RIPK3: variants seen among roughly 807,000 people sequenced by gnomAD.
RIPK3 encodes the protein receptor interacting serine/threonine kinase 3.
In RIPK3, 51 loss-of-function variants were observed where a neutral mutation model predicts 51.6. The ratio of observed to expected loss-of-function variants is 0.99; its 90% confidence interval spans 0.79 to 1.25. The LOEUF (loss-of-function observed/expected upper bound fraction) is 1.25. Among genes scored for constraint, RIPK3 ranks in the 50% most tolerant of loss-of-function variants. RIPK3 has a pLI of 0.00. For missense variants in RIPK3, 654 were observed against 650.4 expected (o/e 1.01, Z -0.06); for synonymous variants, 246 against 257.7 (o/e 0.95, Z 0.44).
chr14:24,337,420 C>T lies in RIPK3; in HGVS notation c.941G>A (p.Arg314Lys), dbSNP rs2042147659. 2 of 1,613,876 alleles carry T rather than the reference C, an allele frequency of 1.2e-6. No homozygotes were observed. Among genetic ancestry groups the T allele is most frequent in the Non-Finnish European group, 1.7e-6 (2 of 1,179,914 alleles). The change falls in exon 8 of 10, where the codon AGA becomes AAA. Residue 314 changes from arginine (R) to lysine (K), a missense_variant. Coordinates refer to ENST00000216274, the MANE Select transcript of RIPK3 (RefSeq NM_006871.4). ...TTGGCCTGACTCTGGGATAGAAAAT[C>T]TCCTATTGCTGCTCCTGAGCTGAGA... ...FLSQLRSSNR[R>K]FSIPESGQGG...
chr14:24,339,808 A>G lies in RIPK3; in HGVS notation c.19T>C (p.Trp7Arg), dbSNP rs1411177050. MSCVKL[W>R]PSGAPAPLVS... is the part of the protein sequence containing the mutation. ...ATCGACATGCCACTCCCTACTCACCATAACTTGACGCACGACATCAGGCTG... is the reference window on the plus strand; with the variant it reads ...ATCGACATGCCACTCCCTACTCACCGTAACTTGACGCACGACATCAGGCTG... The change falls in exon 1 of 10, where the codon TGG becomes CGG. Residue 7 changes from tryptophan to arginine, a missense_variant and splice_region_variant. Trp to Arg is a moderately radical substitution (Grantham distance 101, BLOSUM62 -3). Coordinates refer to ENST00000216274, the MANE Select transcript of RIPK3 (RefSeq NM_006871.4). The surrounding 1 kb of genome is among the most constrained non-coding windows in gnomAD (Gnocchi z 4.0). 9.5e-6 allele frequency: 15 copies of G among 1,577,838 alleles called. No individual in the cohort carries two copies. The highest frequency in any genetic ancestry group is 9.0e-5 in the East Asian group (4 of 44,670).
At position 24,339,278 on chromosome 14, in the gene RIPK3, CG is replaced by C. The variant is rs1236861019; in HGVS notation, c.207del (p.Asn69LysfsTer7). ...ACCCCTTCTAGGCGCAGCACGAATT[CG>C]TTATCCAGACTTGCCATGGCCTTGA... Reference protein sequence around the residue: ...REVKAMASLDNEFVLRLEGVI... With the variant: ...REVKAMASLDXEFVLRLEGVI... On this transcript the variant is annotated frameshift_variant, in exon 3 of 10. Coordinates refer to ENST00000216274, the MANE Select transcript of RIPK3 (RefSeq NM_006871.4). LOFTEE classifies it high-confidence loss of function. The surrounding 1 kb of genome is among the most constrained non-coding windows in gnomAD (Gnocchi z 4.0). 1.9e-6 allele frequency: 3 copies of C among 1,613,718 alleles called. No homozygotes were observed. The highest frequency in any genetic ancestry group is 2.5e-6 in the Non-Finnish European group (3 of 1,179,758).
chr14:24,338,881 G>A, intron 3 of RIPK3, 134 bp downstream of exon 3: 1 of 774,370 alleles, frequency 1.3e-6, no homozygotes. Context: ...TTTGTCCCCT[G>A]GCAGCCCTGT....
At chr14:24,338,944 T>G in intron 3 of RIPK3, 71 bp downstream of exon 3, 1 of 1,228,016 alleles carries the variant, frequency 8.1e-7, no homozygotes. Context: ...GGAGGTCTAG[T>G]GTCCGGCGGG....
Position 24,339,812 on chromosome 14 carries a change from CTT to C in RIPK3, c.13_14del (p.Lys5ValfsTer36), listed in dbSNP as rs2042172641. 1 of 1,575,822 alleles carries C rather than the reference CTT, an allele frequency of 6.3e-7. No individual in the cohort carries two copies. Among genetic ancestry groups the C allele is most frequent in the Admixed American group, 1.9e-5 (1 of 52,452 alleles). ...ACATGCCACTCCCTACTCACCATAACTTGACGCACGACATCAGGCTGGAAGGT... is the reference window on the plus strand; with the variant it reads ...ACATGCCACTCCCTACTCACCATAACGACGCACGACATCAGGCTGGAAGGT... MSCV[K>X]LWPSGAPAPL... is the part of the protein sequence containing the mutation. On this transcript the variant is annotated frameshift_variant, in exon 1 of 10. Coordinates refer to ENST00000216274, the MANE Select transcript of RIPK3 (RefSeq NM_006871.4). LOFTEE classifies it high-confidence loss of function. This position sits in a 1 kb window ranked among gnomAD's most constrained non-coding sequence, Gnocchi z 4.0.
At position 24,336,197 on chromosome 14, in the gene RIPK3, C is replaced by CA. The variant is rs759209004; in HGVS notation, c.1534dup (p.Trp512LeufsTer3). On this transcript the variant is annotated frameshift_variant, in exon 10 of 10. Transcript: ENST00000216274. LOFTEE classifies it low-confidence loss of function (END_TRUNC). Reference sequence around the variant, plus strand: ...GCTTTATTTCCCGCTATGATTATACCAACCCTGTGGCCTGCTCCAGGCTTC... The same window carrying CA: ...GCTTTATTTCCCGCTATGATTATACCAAACCCTGTGGCCTGCTCCAGGCTTC... 34 of 1,613,646 alleles carry CA rather than the reference C, an allele frequency of 2.1e-5. No homozygotes were observed. In the East Asian group the frequency reaches 6.2e-4, roughly 30 times the overall value.
rs199742695 is a variant in RIPK3, at chr14:24,338,032, C to T, written c.673G>A (p.Glu225Lys). ...LAGREVELPT[E>K]PSLVYEAVCN... ...ACTGCTTCGTACACGAGTGATGGTT[C>T]GGTTGGCACTGGAGTAGGGGAGGAG... Residue 225 changes from glutamate (E) to lysine (K), a missense_variant, in exon 6 of 10, where the codon GAA (glutamate) becomes AAA (lysine). By Grantham distance (56) the Glu-to-Lys change is moderately conservative (BLOSUM62 1). Coordinates refer to ENST00000216274, the MANE Select transcript of RIPK3 (RefSeq NM_006871.4). 98 of 1,614,060 alleles carry T rather than the reference C, an allele frequency of 6.1e-5. No homozygotes were observed. Among genetic ancestry groups the T allele is most frequent in the Non-Finnish European group, 7.5e-5 (88 of 1,180,030 alleles).
rs1300167280 is a variant in RIPK3, at chr14:24,338,428, A to C, written c.611T>G (p.Val204Gly). 2 of 1,612,294 alleles carry C rather than the reference A, an allele frequency of 1.2e-6. No individual in the cohort carries two copies. Among genetic ancestry groups the C allele is most frequent in the East Asian group, 2.2e-5 (1 of 44,808 alleles). Residue 204 changes from valine (V) to glycine (G), a missense_variant, in exon 4 of 10, where the codon GTC becomes GGC. Transcript: ENST00000216274. The stretch of plus-strand genomic sequence containing the variant: ...TTTGGGCCGGGATCCTTACCTGTAG[A>C]CGTCACTGGCTGTGGAGGCCTTCCG... ...VNRKASTASD[V>G]YSFGILMWAV...
chr14:24,337,203 G>T lies in RIPK3; in HGVS notation c.1158C>A (p.Gly386=), dbSNP rs2042145816. 1 of 1,613,690 alleles carries T rather than the reference G, an allele frequency of 6.2e-7. No homozygotes were observed. Among genetic ancestry groups the T allele is most frequent in the Non-Finnish European group, 8.5e-7 (1 of 1,180,032 alleles). The change falls in exon 8 of 10, where the codon GGC becomes GGA. Residue 386 remains glycine, a synonymous_variant. Coordinates refer to ENST00000216274, the MANE Select transcript of RIPK3 (RefSeq NM_006871.4). ...EEQVPQAWTA[G]TSSDSMAQPP... ...GTTGGGCCATCGAATCTGAAGATGT[G>T]CCTGCTGTCCAGGCTTGTGGAACCT...
intron 9 of RIPK3, 73 bp from the exon 10 acceptor site, chr14:24,336,468 T>A (rs1342867160): frequency 1.3e-6 from 2 of 1,562,730 alleles, no homozygotes; most frequent in East Asian, 4.5e-5. Context: ...GGGTGGGGAG[T>A]ATGAAGTCTC....
intron 9 of RIPK3, 91 bp downstream of exon 9, chr14:24,336,794 C>T (rs778896157): frequency 1.7e-5 from 20 of 1,203,980 alleles, no homozygotes; most frequent in Admixed American, 1.3e-4. Context: ...CCCCTCCCCT[C>T]CACAAAGTAC....
chr14:24,339,346 G>T lies in RIPK3; in HGVS notation c.162-22C>A. ...CTTCCTACACTCCAGGAGAGAGCTG[G>T]AGTCGCACCGGGGTCGTGGGAAAAT... On this transcript the variant is annotated intron_variant, in intron 2 of 9. Coordinates refer to ENST00000216274, the MANE Select transcript of RIPK3 (RefSeq NM_006871.4). This position sits in a 1 kb window ranked among gnomAD's most constrained non-coding sequence, Gnocchi z 4.0. The T allele has an allele frequency of 6.2e-7, 1 of 1,608,348 alleles. No individual in the cohort carries two copies. The highest frequency in any genetic ancestry group is 8.5e-7 in the Non-Finnish European group (1 of 1,175,758).
In RIPK3 at chr14:24,336,144, G is replaced by A. The variant is rs751559074; in HGVS notation, c.*31C>T. 33 of 1,598,924 alleles carry A rather than the reference G, an allele frequency of 2.1e-5. No homozygotes were observed. The highest frequency in any genetic ancestry group is 2.7e-5 in the African/African-American group (2 of 74,482). ...AAGGGGTGGCACTCTTCCTTAACTC[G>A]TAACTCTTGGAGGCAAGCTTGGAAG... On this transcript the variant is annotated 3_prime_UTR_variant, in exon 10 of 10. Transcript: ENST00000216274.
At position 24,339,269 on chromosome 14, in the gene RIPK3, G is replaced by A. The variant is rs754841087; in HGVS notation, c.217C>T (p.Leu73=). The change falls in exon 3 of 10, where the codon CTG becomes TTG. Residue 73 remains leucine (L), a synonymous_variant. Coordinates refer to ENST00000216274, the MANE Select transcript of RIPK3 (RefSeq NM_006871.4). This position sits in a 1 kb window ranked among gnomAD's most constrained non-coding sequence, Gnocchi z 4.0. The stretch of plus-strand genomic sequence containing the variant: ...TTCTCGATAACCCCTTCTAGGCGCA[G>A]CACGAATTCGTTATCCAGACTTGCC... The part of the protein sequence containing the change: ...AMASLDNEFV[L]RLEGVIEKVN... 5.6e-6 allele frequency: 9 copies of A among 1,614,014 alleles called. No homozygotes were observed. The highest frequency in any genetic ancestry group is 6.8e-6 in the Non-Finnish European group (8 of 1,179,886).
chr14:24,337,783 A>T, intron 6 of RIPK3, 21 bp from the exon 7 acceptor site: 2 of 1,614,018 alleles, frequency 1.2e-6, no homozygotes, highest in Non-Finnish European at 1.7e-6. Flanking sequence ...AGCAGAGTGG[A>T]GTGCAGGTGA....
Position 24,336,885 on chromosome 14 carries a change from C to T in RIPK3, c.1336G>A (p.Gly446Arg), listed in dbSNP as rs1298964440. Residue 446 changes from glycine (G) to arginine (R), a missense_variant and splice_region_variant, in exon 9 of 10, where the codon GGG (glycine) becomes AGG (arginine). Coordinates refer to ENST00000216274, the MANE Select transcript of RIPK3 (RefSeq NM_006871.4). ...AAAGAAAGAGGTAGAGAATGGGTAC[C>T]TGTTACTGGATTTGGCTCCGGGGTC... ...CRTPEPNPVTGRPLVNIYNCS... is the reference protein window; with the variant it reads ...CRTPEPNPVTRRPLVNIYNCS... The T allele has an allele frequency of 1.2e-6, 2 of 1,613,296 alleles. No homozygotes were observed. The highest frequency in any genetic ancestry group is 2.7e-5 in the African/African-American group (2 of 74,900).
rs891314154 is a variant in RIPK3, at chr14:24,336,369, AGTTGTATAT to A, written c.1354_1362del (p.Ile452_Asn454del). The A allele has an allele frequency of 1.2e-6, 2 of 1,613,628 alleles. No homozygotes were observed. Among genetic ancestry groups the A allele is most frequent in the Non-Finnish European group, 1.7e-6 (2 of 1,180,012 alleles). ...TTGTCTCCAACTTGCACCCCAGAGCAGTTGTATATGTTAACGAGCGGTCGCCCTTTAAGA... is the reference window on the plus strand; with the variant it reads ...TTGTCTCCAACTTGCACCCCAGAGCAGTTAACGAGCGGTCGCCCTTTAAGA... On this transcript the variant is annotated inframe_deletion, in exon 10 of 10. Transcript: ENST00000216274.
Position 24,339,732 on chromosome 14 carries a change from T to A in RIPK3, c.20+75A>T, listed in dbSNP as rs368950569. The stretch of plus-strand genomic sequence containing the variant: ...CCCACCGTCCCCGGACTCAAAGACG[T>A]TCTCTGAGCGAGTCTGTGGGGCTCT... On this transcript the variant is annotated intron_variant, in intron 1 of 9. Transcript: ENST00000216274. This position sits in a 1 kb window ranked among gnomAD's most constrained non-coding sequence, Gnocchi z 4.0. 1.3e-4 allele frequency: 201 copies of A among 1,569,126 alleles called. 1 individual carries two copies. The highest frequency in any genetic ancestry group is 4.2e-4 in the Admixed American group (23 of 55,172).
chr14:24,336,428 T>G (rs566894504), intron 9 of RIPK3, 33 bp from the exon 10 acceptor site: 1 of 1,599,516 alleles, frequency 6.3e-7, no homozygotes, highest in Non-Finnish European at 8.5e-7. Context: ...GGCAGGAGGG[T>G]TTAGCTGTCA....
Sources: gnomAD v4.1 joint callset for allele counts on GRCh38, gnomAD v4.1.1 for gene constraint, Gnocchi (gnomAD v3.1) non-coding constraint, MANE v1.5 for transcripts, NCBI Gene and HGNC (gene_info 2026-07-23, HGNC 2026-07-21) for gene names.